The following NAALADL2 variants were observed in gnomAD, a reference collection of about 807,000 sequenced individuals.
The protein encoded by NAALADL2 is N-acetylated alpha-linked acidic dipeptidase like 2, also known as inactive N-acetylated-alpha-linked acidic dipeptidase-like protein 2.
NAALADL2 carries 76 observed loss-of-function variants against 87.2 expected under a neutral mutation model. That is an observed-to-expected ratio of 0.87 (90% confidence interval 0.72 to 1.05). NAALADL2 has a LOEUF of 1.05. Among genes scored for constraint, NAALADL2 ranks in the 50% least tolerant of loss-of-function variants. NAALADL2 has a pLI of 0.00. For synonymous variants in NAALADL2, 354 were observed against 331.0 expected, an observed-to-expected ratio of 1.07 and a Z score of -0.75; for missense variants, 1,089 against 945.8, an observed-to-expected ratio of 1.15 and a Z score of -1.99.
At chr3:174,472,497 A>G (rs913296676) in intron 1 of NAALADL2, among the ~76,000 whole-genome samples, 9 of 152,102 alleles carry the variant, frequency 5.9e-5, no homozygotes, top group Non-Finnish European at 1.2e-4. Flanking sequence ...TGTCAACAAA[A>G]GAGGGAGGGA....
At chr3:175,537,266 A>G (rs1312481487) in intron 9 of NAALADL2, among the ~76,000 whole-genome samples, 8 of 152,194 alleles carry the variant, frequency 5.3e-5, no homozygotes, top group African/African-American at 1.7e-4. Context: ...TATTTACAAA[A>G]ATGAATTGGT....
chr3:174,997,616 G>A (rs1279035783), intron 1 of NAALADL2, among the ~76,000 whole-genome samples: 1 of 152,104 alleles, frequency 6.6e-6, no homozygotes, highest in Non-Finnish European at 1.5e-5. Flanking sequence ...CCTGAGATCA[G>A]GGGTTCAAGA....
chr3:175,017,538 C>T (rs895112041), intron 1 of NAALADL2, among the ~76,000 whole-genome samples: 1 of 151,992 alleles, frequency 6.6e-6, no homozygotes, highest in East Asian at 1.9e-4. Context: ...TCAGTGTGCC[C>T]TGGTTGATCC....
At chr3:174,801,198 C>T (rs979681239) in intron 3 of NAALADL2, among the ~76,000 whole-genome samples, 3 of 152,072 alleles carry the variant, frequency 2.0e-5, no homozygotes, top group Non-Finnish European at 4.4e-5. Context: ...TGACTGTGTC[C>T]CCACCCAAAT....
At chr3:175,313,743 T>A (rs1758681068) in intron 4 of NAALADL2, among the ~76,000 whole-genome samples, 1 of 151,970 alleles carries the variant, frequency 6.6e-6, no homozygotes, top group Non-Finnish European at 1.5e-5. Flanking sequence ...CAATAGAAGT[T>A]AATAAGAAGA....
intron 2 of NAALADL2, among the ~76,000 whole-genome samples, chr3:174,648,051 A>G (rs944945969): frequency 6.6e-6 from 1 of 152,212 alleles, no homozygotes; most frequent in Admixed American, 6.5e-5. Flanking sequence ...CCCACTGTCC[A>G]CTGTTTCAGT....
intron 1 of NAALADL2, among the ~76,000 whole-genome samples, chr3:175,051,025 C>T (rs1755316257): frequency 1.3e-5 from 2 of 152,104 alleles, no homozygotes; most frequent in Admixed American, 6.5e-5. Flanking sequence ...GTGAGGAAGA[C>T]AGATATTGGG....
At chr3:175,561,177 T>C (rs1033608882) in intron 9 of NAALADL2, among the ~76,000 whole-genome samples, 1 of 152,204 alleles carries the variant, frequency 6.6e-6, no homozygotes, top group African/African-American at 2.4e-5. Flanking sequence ...AGACATCCTA[T>C]GGGTGCCAGA....
chr3:175,006,922 G>A lies in NAALADL2; in HGVS notation c.44-89868G>A, dbSNP rs79287939. ...TAGCTTTGTAAGGAGGAGTATACAA[G>A]TTCCTTTATAAGTCTTTGATTTTTG... is the stretch of plus-strand genomic sequence containing the variant. On this transcript the variant is annotated intron_variant, in intron 1 of 13. Coordinates refer to ENST00000454872, the MANE Select transcript of NAALADL2 (RefSeq NM_207015.3). Among the ~76,000 whole-genome samples the A allele has an allele frequency of 1.9e-3, 283 of 151,304 alleles. 1 individual carries two copies. The highest frequency in any genetic ancestry group is 6.6e-3 in the African/African-American group (274 of 41,250).
At chr3:175,639,534 T>A (rs9847170) in intron 11 of NAALADL2, among the ~76,000 whole-genome samples, 5,619 of 151,832 alleles carry the variant, frequency 0.037, 184 homozygotes, top group African/African-American at 0.09. Context: ...GTTAGCCAGG[T>A]TGGTCTTGAT....
At chr3:174,990,214 A>G (rs1189247273) in intron 1 of NAALADL2, among the ~76,000 whole-genome samples, 6 of 152,268 alleles carry the variant, frequency 3.9e-5, no homozygotes, top group Non-Finnish European at 4.4e-5. Context: ...AGTCGAAACT[A>G]TTGATATAAT....
chr3:175,044,204 T>TG (rs1754416201), intron 1 of NAALADL2, among the ~76,000 whole-genome samples: 1 of 152,150 alleles, frequency 6.6e-6, no homozygotes, highest in Non-Finnish European at 1.5e-5. Context: ...GGAATTTGTA[T>TG]GTTAATTTTG....
At chr3:175,546,037 C>T (rs988545687) in intron 9 of NAALADL2, among the ~76,000 whole-genome samples, 6 of 151,974 alleles carry the variant, frequency 3.9e-5, no homozygotes, top group Admixed American at 1.3e-4. Context: ...GTACAATACA[C>T]CTTAAAGAAA....
intron 10 of NAALADL2, among the ~76,000 whole-genome samples, chr3:175,579,756 G>A (rs1287742391): frequency 6.6e-6 from 1 of 152,158 alleles, no homozygotes; most frequent in South Asian, 2.1e-4. Flanking sequence ...GATTAAGAGT[G>A]CAATATTTAT....
At chr3:174,489,650 TA>T (rs369209598) in intron 1 of NAALADL2, among the ~76,000 whole-genome samples, 2 of 151,158 alleles carry the variant, frequency 1.3e-5, no homozygotes, top group African/African-American at 2.4e-5. Flanking sequence ...TAAAATGAAA[TA>T]AAAAAAAGAA....
intron 5 of NAALADL2, among the ~76,000 whole-genome samples, chr3:175,412,297 A>G (rs1303441112): frequency 6.6e-6 from 1 of 152,158 alleles, no homozygotes; most frequent in Non-Finnish European, 1.5e-5. Context: ...TGTTTATATA[A>G]TTTTGTTGTG....
At chr3:175,392,325 A>G (rs1023061634) in intron 5 of NAALADL2, among the ~76,000 whole-genome samples, 3 of 152,208 alleles carry the variant, frequency 2.0e-5, no homozygotes, top group Non-Finnish European at 4.4e-5. Flanking sequence ...TAAACACACT[A>G]TTTGCTTACA....
intron 2 of NAALADL2, among the ~76,000 whole-genome samples, chr3:174,670,112 CT>C (rs1196835885): frequency 7.9e-6 from 1 of 127,142 alleles, no homozygotes; most frequent in Admixed American, 9.0e-5. Flanking sequence ...GCTAAATTTC[CT>C]TATTATTTCT....
rs147018953 is a variant in NAALADL2, at chr3:175,451,877, C to T, written c.1234+4505C>T. Among the ~76,000 whole-genome samples, 243 of 151,898 alleles carry T rather than the reference C, an allele frequency of 1.6e-3. 1 individual carries two copies. Among genetic ancestry groups the T allele is most frequent in the African/African-American group, 5.2e-3 (214 of 41,488 alleles). ...TTATTAAAATGACATAGTGTCTAAC[C>T]GATCATCTTGTTTATAATTTTTACG... On this transcript the variant is annotated intron_variant, in intron 6 of 13. Coordinates refer to ENST00000454872, the MANE Select transcript of NAALADL2 (RefSeq NM_207015.3).
Sources: allele counts gnomAD v4.1 joint callset (sites outside exome capture counted in the v4.1 genomes callset), GRCh38; gene constraint gnomAD v4.1.1; transcripts MANE v1.5; gene names NCBI Gene and HGNC (gene_info 2026-07-23, HGNC 2026-07-21).